GBF1: variants seen among roughly 807,000 people sequenced by gnomAD.
GBF1 encodes the protein Golgi-specific brefeldin A-resistance guanine nucleotide exchange factor 1.
Under a neutral mutation model 210.5 loss-of-function variants are expected in GBF1, and 114 were observed. That is an observed-to-expected ratio of 0.54 (90% CI 0.47 to 0.63). The LOEUF (loss-of-function observed/expected upper bound fraction) is 0.63, where lower values mean the gene tolerates loss of function less well. Ranked by LOEUF, GBF1 falls within the 30% of genes least tolerant of loss-of-function variation. GBF1 has a pLI of 0.00. For synonymous variants in GBF1, 850 were observed against 889.2 expected, an observed-to-expected ratio of 0.96 and a Z score of 0.78; for missense variants, 1,851 against 2,357.7, an observed-to-expected ratio of 0.79 and a Z score of 4.45.
At chr10:102,248,699 G>A (rs867193737) in intron 1 of GBF1, among the ~76,000 whole-genome samples, 53 of 152,104 alleles carry the variant, frequency 3.5e-4, no homozygotes, top group African/African-American at 9.4e-4. Context: ...GCAGAGGAAC[G>A]ATCACAGCTC....
At chr10:102,247,078 T>G (rs1372845454) in intron 1 of GBF1, among the ~76,000 whole-genome samples, 1 of 152,206 alleles carries the variant, frequency 6.6e-6, no homozygotes, top group Non-Finnish European at 1.5e-5. Context: ...TGTGGCCTGC[T>G]TTTGGCCCTG....
intron 3 of GBF1, among the ~76,000 whole-genome samples, chr10:102,270,355 A>G (rs1326879239): frequency 6.6e-6 from 1 of 152,010 alleles, no homozygotes; most frequent in Non-Finnish European, 1.5e-5. Context: ...TTTTTGGTAG[A>G]GACAGGGTTT....
At chr10:102,324,744 G>A (rs1261846324) in intron 3 of GBF1, among the ~76,000 whole-genome samples, 7 of 152,022 alleles carry the variant, frequency 4.6e-5, no homozygotes, top group South Asian at 2.1e-4. Flanking sequence ...CCGCCACCAC[G>A]GCTGGCTAAT....
intron 3 of GBF1, among the ~76,000 whole-genome samples, chr10:102,337,111 G>C (rs1215777443): frequency 6.6e-6 from 1 of 151,618 alleles, no homozygotes; most frequent in African/African-American, 2.4e-5. Flanking sequence ...GGGCGAGGTG[G>C]CTCACGTCTG....
intron 3 of GBF1, among the ~76,000 whole-genome samples, chr10:102,290,727 A>T (rs2076365266): frequency 6.6e-6 from 1 of 151,958 alleles, no homozygotes; most frequent in African/African-American, 2.4e-5. Context: ...CTAGTCTCAA[A>T]CTCCTGGGCT....
chr10:102,372,070 G>T (rs1270348866), intron 29 of GBF1, among the ~76,000 whole-genome samples: 1 of 151,554 alleles, frequency 6.6e-6, no homozygotes, highest in African/African-American at 2.4e-5. Context: ...AGAAAAATTA[G>T]CTGGGCGTGA....
At chr10:102,369,614 A>G in intron 24 of GBF1, 97 bp from the exon 25 acceptor site, 1 of 1,150,508 alleles carries the variant, frequency 8.7e-7, no homozygotes, top group South Asian at 1.3e-5. Flanking sequence ...ATAGGGGCAG[A>G]AGACTAGAGG....
chr10:102,293,400 TTATC>T (rs148921436), intron 3 of GBF1, among the ~76,000 whole-genome samples: 49,456 of 151,918 alleles, frequency 0.33, 8,676 homozygotes, highest in South Asian at 0.48. Context: ...CATTACTAGT[TTATC>T]TATTTCATAT....
At chr10:102,291,134 CTT>C (rs908281811) in intron 3 of GBF1, among the ~76,000 whole-genome samples, 2 of 149,928 alleles carry the variant, frequency 1.3e-5, no homozygotes, top group African/African-American at 5.0e-5. Context: ...TGCCAAGTCT[CTT>C]TTTTTTTCTT....
chr10:102,359,194 T>C (rs974975974), intron 10 of GBF1, 73 bp from the exon 11 acceptor site: 85 of 1,024,950 alleles, frequency 8.3e-5, no homozygotes, highest in Non-Finnish European at 6.9e-5. Context: ...GGAAGACAGC[T>C]ACTTCAGGGG....
intron 3 of GBF1, among the ~76,000 whole-genome samples, chr10:102,261,382 T>C (rs2073194909): frequency 6.6e-6 from 1 of 152,130 alleles, no homozygotes; most frequent in Non-Finnish European, 1.5e-5. Flanking sequence ...TATGTTCCTT[T>C]GTTGACCACA....
intron 3 of GBF1, among the ~76,000 whole-genome samples, chr10:102,278,299 G>A (rs1467962669): frequency 1.3e-5 from 2 of 151,212 alleles, no homozygotes; most frequent in Non-Finnish European, 2.9e-5. Context: ...TAGAGTTATG[G>A]AGTTATCTGT....
At chr10:102,235,018 T>C in the GBF1 span, among the ~76,000 whole-genome samples, 10 of 152,038 alleles carry the variant, frequency 6.6e-5, no homozygotes, top group East Asian at 9.7e-4. Flanking sequence ...TAATAAGCAC[T>C]TGGACTTGGA....
At chr10:102,350,100 C>G (rs1419605814) in intron 4 of GBF1, among the ~76,000 whole-genome samples, 1 of 152,136 alleles carries the variant, frequency 6.6e-6, no homozygotes, top group African/African-American at 2.4e-5. Context: ...CCTGTAATCC[C>G]AGCACTTTGG....
intron 1 of GBF1, among the ~76,000 whole-genome samples, chr10:102,248,581 G>A (rs1308314432): frequency 2.6e-5 from 4 of 152,078 alleles, no homozygotes. Context: ...ATTAGGATTA[G>A]TGGGGACTGT....
chr10:102,286,390 G>C (rs775593675), intron 3 of GBF1, among the ~76,000 whole-genome samples: 3 of 152,174 alleles, frequency 2.0e-5, no homozygotes, highest in Non-Finnish European at 4.4e-5. Flanking sequence ...CTGTGTAGCA[G>C]TAATATATCA....
At chr10:102,365,675 C>T in intron 18 of GBF1, 76 bp downstream of exon 18, 1 of 1,249,742 alleles carries the variant, frequency 8.0e-7, no homozygotes, top group Non-Finnish European at 1.2e-6. Context: ...CTTTGGGAGG[C>T]TGAGGCAGGC....
chr10:102,251,569 T>C (rs1461910646), intron 1 of GBF1, among the ~76,000 whole-genome samples: 11 of 152,120 alleles, frequency 7.2e-5, no homozygotes, highest in Non-Finnish European at 1.5e-4. Context: ...CATTTATTTA[T>C]TTGAGGCAGA....
intron 3 of GBF1, among the ~76,000 whole-genome samples, chr10:102,290,235 A>C (rs933016763): frequency 6.6e-6 from 1 of 152,184 alleles, no homozygotes; most frequent in African/African-American, 2.4e-5. Flanking sequence ...CATTTTTTAA[A>C]GTATATTTTT....
Sources: gnomAD v4.1 joint callset for allele counts (sites outside exome capture counted in the v4.1 genomes callset) on GRCh38, gnomAD v4.1.1 for gene constraint, MANE v1.5 for transcripts, NCBI Gene and HGNC (gene_info 2026-07-23, HGNC 2026-07-21) for gene names.